The following ADIPOR2 variants were observed in gnomAD, a reference collection of about 807,000 sequenced individuals.
The protein encoded by ADIPOR2 is adiponectin receptor 2.
Under a neutral mutation model 40.9 loss-of-function variants are expected in ADIPOR2, and 18 were observed. The ratio of observed to expected loss-of-function variants is 0.44; its 90% CI spans 0.30 to 0.65. The LOEUF (loss-of-function observed/expected upper bound fraction) is 0.65, where lower values mean the gene tolerates loss of function less well. ADIPOR2 is among the 30% of genes least tolerant of loss of function. The probability of loss-of-function intolerance (pLI) is 0.09; values close to 1 mark genes in which losing one functional copy is unlikely to be tolerated. For synonymous variants in ADIPOR2, 165 were observed against 166.4 expected (o/e 0.99, Z 0.06); for missense variants, 283 against 479.2 (o/e 0.59, Z 3.82).
chr12:1,692,805 T>C (rs577720268), intron 1 of ADIPOR2, among the ~76,000 whole-genome samples: 1 of 152,286 alleles, frequency 6.6e-6, no homozygotes, highest in South Asian at 2.1e-4. Flanking sequence ...TTTCAGGGAT[T>C]GACAGATTTT....
chr12:1,691,570 T>A (rs1012872280), intron 1 of ADIPOR2, among the ~76,000 whole-genome samples: 1 of 152,212 alleles, frequency 6.6e-6, no homozygotes. Flanking sequence ...CCCGCCCCTC[T>A]TCGTCTCTTG....
chr12:1,777,743 G>A (rs900448803), intron 3 of ADIPOR2, 111 bp from the exon 4 acceptor site: 2 of 1,021,418 alleles, frequency 2.0e-6, no homozygotes, highest in Admixed American at 6.0e-5. Context: ...TTTTAAAAAT[G>A]AATTGTTTTT....
chr12:1,757,660 GCCT>G (rs1355401446), intron 2 of ADIPOR2: 1 of 1,286,888 alleles, frequency 7.8e-7, no homozygotes, highest in African/African-American at 1.5e-5. Context: ...TTTGTATTTG[GCCT>G]CCTCAGGTGT....
At chr12:1,756,433 A>C (rs971984103) in intron 2 of ADIPOR2, among the ~76,000 whole-genome samples, 2 of 148,366 alleles carry the variant, frequency 1.3e-5, no homozygotes, top group Non-Finnish European at 3.0e-5. Flanking sequence ...TACAAGCGTG[A>C]GCCACTGTGC....
intron 1 of ADIPOR2, among the ~76,000 whole-genome samples, chr12:1,750,185 G>A (rs1592610065): frequency 1.3e-5 from 2 of 152,022 alleles, no homozygotes; most frequent in East Asian, 1.9e-4. Flanking sequence ...TATACTTAAA[G>A]TATTTAATTT....
chr12:1,757,739 C>G lies in ADIPOR2; in HGVS notation c.171+3225C>G. On this transcript the variant is annotated intron_variant, in intron 2 of 7. Transcript: ENST00000357103. ...AGACGGAAATTCTCCCCCGTCTTGTCAATGCTGATGACATCCATGAATCCA... is the reference window on the plus strand; with the variant it reads ...AGACGGAAATTCTCCCCCGTCTTGTGAATGCTGATGACATCCATGAATCCA... 3.1e-6 allele frequency: 4 copies of G among 1,274,394 alleles called. No individual in the cohort carries two copies. The South Asian group carries it at 4.8e-5, about 15-fold the overall frequency. 78.9% of individuals were successfully genotyped at this position (1,274,394 alleles called of 1,614,324 possible). A position where few individuals can be genotyped will look rare whatever the true frequency, so the allele number is the denominator to read the frequency against.
chr12:1,768,646 G>T (rs1449065865), intron 2 of ADIPOR2, among the ~76,000 whole-genome samples: 1 of 152,146 alleles, frequency 6.6e-6, no homozygotes, highest in Non-Finnish European at 1.5e-5. Context: ...ATATTAGACT[G>T]ATCTTAAAGA....
intron 3 of ADIPOR2, among the ~76,000 whole-genome samples, chr12:1,776,096 A>G (rs7974422): frequency 0.43 from 65,741 of 152,058 alleles, 15,760 homozygotes; most frequent in Non-Finnish European, 0.55. Flanking sequence ...CAGGAAGAGT[A>G]GGGAAGAGGC....
intron 1 of ADIPOR2, among the ~76,000 whole-genome samples, chr12:1,706,972 G>A (rs148675865): frequency 6.6e-6 from 1 of 152,282 alleles, no homozygotes; most frequent in African/African-American, 2.4e-5. Context: ...CTTAGTGACA[G>A]TGTGAGACCC....
At chr12:1,724,126 T>A (rs1437914402) in intron 1 of ADIPOR2, among the ~76,000 whole-genome samples, 1 of 151,784 alleles carries the variant, frequency 6.6e-6, no homozygotes, top group African/African-American at 2.4e-5. Flanking sequence ...GGATTACAGG[T>A]GCCCGCCACG....
chr12:1,711,694 C>T (rs1313992547), intron 1 of ADIPOR2, among the ~76,000 whole-genome samples: 2 of 151,736 alleles, frequency 1.3e-5, no homozygotes, highest in Admixed American at 6.6e-5. Context: ...TTCTCTCTTT[C>T]TGACTCCCTC....
intron 1 of ADIPOR2, among the ~76,000 whole-genome samples, chr12:1,726,189 AAT>A (rs890773318): frequency 3.9e-5 from 6 of 152,112 alleles, no homozygotes; most frequent in African/African-American, 1.4e-4. Context: ...AAGTATAAGC[AAT>A]AGAGTTGGGA....
At chr12:1,712,122 A>C (rs1175182263) in intron 1 of ADIPOR2, among the ~76,000 whole-genome samples, 1 of 152,088 alleles carries the variant, frequency 6.6e-6, no homozygotes, top group African/African-American at 2.4e-5. Flanking sequence ...TTCACAGATG[A>C]ACTGCCATCA....
intron 1 of ADIPOR2, among the ~76,000 whole-genome samples, chr12:1,735,071 A>G (rs1445659890): frequency 1.3e-5 from 2 of 152,126 alleles, no homozygotes; most frequent in African/African-American, 4.8e-5. Flanking sequence ...TTGACTTGGC[A>G]ATGTGGGCTC....
chr12:1,743,328 A>G (rs2094747723), intron 1 of ADIPOR2, among the ~76,000 whole-genome samples: 1 of 150,994 alleles, frequency 6.6e-6, no homozygotes, highest in Non-Finnish European at 1.5e-5. Flanking sequence ...AAAAAAAAAA[A>G]AGAAATTCTA....
chr12:1,758,833 C>A lies in ADIPOR2; in HGVS notation c.171+4319C>A, dbSNP rs1312420915. Among the ~76,000 whole-genome samples the A allele has an allele frequency of 2.0e-5, 3 of 152,274 alleles. No homozygotes were observed. In the East Asian group the frequency reaches 5.8e-4, roughly 29 times the overall value. On this transcript the variant is annotated intron_variant, in intron 2 of 7. Transcript: ENST00000357103. ...AATTCTAGTAATATCTTAATTGTGT[C>A]ACTTTCACAGACATTATCTCATTTG... is the stretch of plus-strand genomic sequence containing the variant.
intron 1 of ADIPOR2, among the ~76,000 whole-genome samples, chr12:1,722,224 A>G (rs2094699323): frequency 6.6e-6 from 1 of 152,236 alleles, no homozygotes; most frequent in Non-Finnish European, 1.5e-5. Context: ...TTGAATCAAC[A>G]GGACTTGCTG....
chr12:1,700,773 T>C (rs1451697703), intron 1 of ADIPOR2, among the ~76,000 whole-genome samples: 1 of 145,030 alleles, frequency 6.9e-6, no homozygotes. Flanking sequence ...AAAGCTGTTT[T>C]GTTGTTGTTA....
At chr12:1,773,867 C>T (rs1336104372) in intron 3 of ADIPOR2, among the ~76,000 whole-genome samples, 1 of 152,102 alleles carries the variant, frequency 6.6e-6, no homozygotes, top group Admixed American at 6.5e-5. Context: ...TAATTGGGAT[C>T]AGTGGACTTA....
Sources: allele counts gnomAD v4.1 joint callset (sites outside exome capture counted in the v4.1 genomes callset), GRCh38; gene constraint gnomAD v4.1.1; transcripts MANE v1.5; gene names NCBI Gene and HGNC (gene_info 2026-07-23, HGNC 2026-07-21).